ERBB4: variants seen among roughly 807,000 people sequenced by gnomAD.
ERBB4 encodes receptor tyrosine-protein kinase erbB-4.
Under a neutral mutation model 158.0 loss-of-function variants are expected in ERBB4, and 42 were observed. The observed-to-expected ratio is 0.27, with a 90% CI of 0.21 to 0.34. The LOEUF is 0.34. ERBB4 is among the 10% of genes least tolerant of loss of function. ERBB4 has a pLI of 1.00. For missense variants in ERBB4, 1,333 were observed against 1,624.1 expected, an observed-to-expected ratio of 0.82 and a Z score of 3.08; for synonymous variants, 583 against 558.7, an observed-to-expected ratio of 1.04 and a Z score of -0.61.
chr2:212,480,007 A>G (rs975136171), intron 1 of ERBB4, among the ~76,000 whole-genome samples: 2 of 152,106 alleles, frequency 1.3e-5, no homozygotes, highest in African/African-American at 2.4e-5. Flanking sequence ...GTATTTCTTC[A>G]TATTTGAACT....
At chr2:212,414,131 G>T (rs931225104) in intron 1 of ERBB4, among the ~76,000 whole-genome samples, 3 of 152,086 alleles carry the variant, frequency 2.0e-5, no homozygotes, top group Admixed American at 1.3e-4. Flanking sequence ...AAACAACTTT[G>T]CATATCTCAT....
intron 2 of ERBB4, among the ~76,000 whole-genome samples, chr2:212,081,578 G>T (rs751455007): frequency 3.3e-5 from 5 of 152,068 alleles, no homozygotes; most frequent in Admixed American, 6.6e-5. Context: ...CTGTGCTTGA[G>T]TCTAAATACA....
chr2:212,293,453 C>T (rs2086281839), intron 1 of ERBB4, among the ~76,000 whole-genome samples: 1 of 152,008 alleles, frequency 6.6e-6, no homozygotes, highest in Non-Finnish European at 1.5e-5. Context: ...ATTAAACTGA[C>T]ACAGACAACA....
At chr2:212,066,562 A>C in intron 2 of ERBB4, among the ~76,000 whole-genome samples, 1 of 152,156 alleles carries the variant, frequency 6.6e-6, no homozygotes, top group East Asian at 1.9e-4. Context: ...TTTCAGAATT[A>C]TATAAAGTTC....
chr2:211,466,258 G>A (rs1365035012), intron 20 of ERBB4, among the ~76,000 whole-genome samples: 1 of 151,360 alleles, frequency 6.6e-6, no homozygotes, highest in East Asian at 1.9e-4. Flanking sequence ...CAAAATGGTT[G>A]GGAAGCTTTT....
At chr2:211,494,604 A>G in intron 20 of ERBB4, among the ~76,000 whole-genome samples, 1 of 152,096 alleles carries the variant, frequency 6.6e-6, no homozygotes, top group East Asian at 1.9e-4. Context: ...CTACATGATA[A>G]AGAAGACTTC....
chr2:211,588,066 G>T (rs2068341161), intron 19 of ERBB4, among the ~76,000 whole-genome samples: 1 of 152,138 alleles, frequency 6.6e-6, no homozygotes, highest in South Asian at 2.1e-4. Context: ...AACTTAAAAA[G>T]ATCTCTAAAA....
chr2:212,364,113 A>G (rs961526093), intron 1 of ERBB4, among the ~76,000 whole-genome samples: 3 of 151,740 alleles, frequency 2.0e-5, no homozygotes, highest in Non-Finnish European at 4.4e-5. Context: ...CTGGGCTGCA[A>G]CTTTCCTTTC....
At chr2:212,288,629 T>C (rs772265498) in intron 1 of ERBB4, among the ~76,000 whole-genome samples, 10 of 152,086 alleles carry the variant, frequency 6.6e-5, no homozygotes, top group Non-Finnish European at 1.5e-4. Context: ...AGTCCTTCTT[T>C]CCCTTTTCAT....
At chr2:211,595,091 T>C (rs999334461) in intron 19 of ERBB4, among the ~76,000 whole-genome samples, 1 of 152,106 alleles carries the variant, frequency 6.6e-6, no homozygotes, top group African/African-American at 2.4e-5. Flanking sequence ...CATAATAAAT[T>C]TGTTTGAGAA....
intron 12 of ERBB4, among the ~76,000 whole-genome samples, chr2:211,684,902 A>C (rs1280239735): frequency 1.3e-5 from 2 of 152,124 alleles, no homozygotes; most frequent in African/African-American, 4.8e-5. Flanking sequence ...TCAGGGAGAC[A>C]AATTTGAGGG....
intron 3 of ERBB4, among the ~76,000 whole-genome samples, chr2:211,797,058 T>C (rs2076397698): frequency 6.6e-6 from 1 of 151,906 alleles, no homozygotes; most frequent in Admixed American, 6.6e-5. Flanking sequence ...ACCAAAGGTA[T>C]ATAAAAAGGA....
At chr2:212,398,125 T>C (rs891523753) in intron 1 of ERBB4, among the ~76,000 whole-genome samples, 1 of 151,390 alleles carries the variant, frequency 6.6e-6, no homozygotes, top group African/African-American at 2.4e-5. Context: ...TGTGTGTGTA[T>C]ATATATACAC....
At chr2:211,757,503 T>C (rs1437663484) in intron 4 of ERBB4, among the ~76,000 whole-genome samples, 1 of 152,222 alleles carries the variant, frequency 6.6e-6, no homozygotes, top group African/African-American at 2.4e-5. Flanking sequence ...CATCATGATA[T>C]TCATTCAAGC....
At chr2:212,296,485 T>C (rs1275359993) in intron 1 of ERBB4, among the ~76,000 whole-genome samples, 1 of 151,996 alleles carries the variant, frequency 6.6e-6, no homozygotes, top group African/African-American at 2.4e-5. Flanking sequence ...CAAGGTCATA[T>C]ATTAGCATTT....
intron 3 of ERBB4, among the ~76,000 whole-genome samples, chr2:211,860,831 A>G (rs960217705): frequency 1.3e-5 from 2 of 148,294 alleles, no homozygotes; most frequent in Non-Finnish European, 3.0e-5. Flanking sequence ...TATAATAACC[A>G]TTAGAGAATA....
chr2:211,983,940 T>G (rs1161102067), intron 2 of ERBB4, among the ~76,000 whole-genome samples: 1 of 152,212 alleles, frequency 6.6e-6, no homozygotes, highest in African/African-American at 2.4e-5. Context: ...TACATTATTA[T>G]AGTAAATGTC....
At chr2:211,587,018 T>C (rs2068301715) in intron 19 of ERBB4, among the ~76,000 whole-genome samples, 1 of 152,204 alleles carries the variant, frequency 6.6e-6, no homozygotes, top group South Asian at 2.1e-4. Context: ...AATAAACCTA[T>C]TGTAAAATCA....
chr2:212,177,278 T>G (rs2081699041), intron 1 of ERBB4, among the ~76,000 whole-genome samples: 1 of 151,884 alleles, frequency 6.6e-6, no homozygotes, highest in African/African-American at 2.4e-5. Context: ...TTTTTAAAAT[T>G]TGCAATATTT....
Sources: gnomAD v4.1 joint callset for allele counts (sites outside exome capture counted in the v4.1 genomes callset) on GRCh38, gnomAD v4.1.1 for gene constraint, MANE v1.5 for transcripts, NCBI Gene and HGNC (gene_info 2026-07-23, HGNC 2026-07-21) for gene names.